Variants in SLC20A2 observed in about 807,000 individuals in gnomAD.
The protein encoded by SLC20A2 is solute carrier family 20 member 2.
Under a neutral mutation model 61.0 loss-of-function variants are expected in SLC20A2, and 30 were observed. That is an observed-to-expected ratio of 0.49 (90% confidence interval 0.37 to 0.67). The LOEUF is 0.67. Ranked by LOEUF, SLC20A2 falls within the 30% of genes least tolerant of loss-of-function variation. The probability of loss-of-function intolerance (pLI) is 0.00; values close to 1 mark genes in which losing one functional copy is unlikely to be tolerated. For synonymous variants in SLC20A2, 351 were observed against 353.3 expected, an observed-to-expected ratio of 0.99 and a Z score of 0.07; for missense variants, 626 against 866.4, an observed-to-expected ratio of 0.72 and a Z score of 3.48.
intron 10 of SLC20A2, among the ~76,000 whole-genome samples, chr8:42,427,843 T>C (rs554032830): frequency 6.6e-6 from 1 of 152,292 alleles, no homozygotes; most frequent in East Asian, 1.9e-4. Context: ...GTGTCTGTTT[T>C]GAGGGCTCAT....
intron 1 of SLC20A2, among the ~76,000 whole-genome samples, chr8:42,496,195 AG>A (rs2131332248): frequency 6.6e-6 from 1 of 152,314 alleles, no homozygotes; most frequent in South Asian, 2.1e-4. Flanking sequence ...TAGCTCCTGC[AG>A]GAAGTATGAC....
intron 8 of SLC20A2, among the ~76,000 whole-genome samples, chr8:42,435,632 G>C (rs1340133009): frequency 6.6e-6 from 1 of 152,066 alleles, no homozygotes; most frequent in East Asian, 1.9e-4. Context: ...GGGTGGGGCA[G>C]GTGGGGTGGG....
intron 1 of SLC20A2, among the ~76,000 whole-genome samples, chr8:42,498,084 TG>T (rs1810061158): frequency 1.3e-5 from 2 of 152,222 alleles, no homozygotes; most frequent in Non-Finnish European, 1.5e-5. Flanking sequence ...AGGGAGAATC[TG>T]GAACTCCAGA....
Position 42,437,492 on chromosome 8 carries a change from G to A in SLC20A2, c.1020C>T (p.Asp340=), listed in dbSNP as rs141611151. 1 of 1,614,158 alleles carries A rather than the reference G, an allele frequency of 6.2e-7. No individual in the cohort carries two copies. Among genetic ancestry groups the A allele is most frequent in the South Asian group, 1.1e-5 (1 of 91,080 alleles). Residue 340 remains aspartate, a synonymous_variant, in exon 8 of 11, where the codon GAC becomes GAT. Transcript: ENST00000520262. This position sits in a 1 kb window ranked among gnomAD's most constrained non-coding sequence, Gnocchi z 6.4. ...TFGFDGHTRS[D]GHVYHTVHKD... ...TGTGCACGGTGTGGTACACATGACC[G>A]TCGCTCCTGGTGTGGCCGTCGAAGC...
chr8:42,481,215 A>G (rs1320889639), intron 1 of SLC20A2, among the ~76,000 whole-genome samples: 1 of 152,194 alleles, frequency 6.6e-6, no homozygotes, highest in African/African-American at 2.4e-5. Context: ...ATCATAGAAC[A>G]TTAGGGTCTG....
chr8:42,455,237 A>ATATATATATATATAT (rs1194959482), intron 5 of SLC20A2, among the ~76,000 whole-genome samples: 2 of 101,120 alleles, frequency 2.0e-5, no homozygotes, highest in African/African-American at 8.5e-5. Flanking sequence ...AAAAAAAAAA[A>ATATATATATATATAT]AAAAATATAT....
intron 1 of SLC20A2, among the ~76,000 whole-genome samples, chr8:42,523,605 T>A (rs1468785160): frequency 6.6e-6 from 1 of 152,240 alleles, no homozygotes; most frequent in Admixed American, 6.5e-5. Flanking sequence ...CCACTTAATG[T>A]GCTGCTTGAA....
rs888890524 is a variant in SLC20A2 at position 42,450,417 on chromosome 8, G to A, written c.614-5655C>T. On this transcript the variant is annotated intron_variant, in intron 5 of 10. Coordinates refer to ENST00000520262, the MANE Select transcript of SLC20A2 (RefSeq NM_001257180.2). ...TAATTTTTGTATTTTTAGTAGAGAT[G>A]GGGTTTCACCATATTGGCCAACCTG... 2.0e-5 allele frequency among the ~76,000 whole-genome samples: 3 copies of A among 151,064 alleles called. No homozygotes were observed. In the East Asian group the frequency reaches 5.8e-4, roughly 29 times the overall value.
In SLC20A2 at chr8:42,459,904, C is replaced by A; in HGVS notation, c.605G>T (p.Gly202Val). The change falls in exon 5 of 11, where the codon GGA (glycine) becomes GTA (valine). Residue 202 changes from glycine to valine, a missense_variant. Around this residue, in one of 3 missense-constraint regions of SLC20A2, gnomAD observed 361 missense variants for 422.3 expected, o/e 0.85. Coordinates refer to ENST00000520262, the MANE Select transcript of SLC20A2 (RefSeq NM_001257180.2). ...AINVFSIMYTGAPVLGLVLPM... is the reference protein window; with the variant it reads ...AINVFSIMYTVAPVLGLVLPM... Reference sequence around the variant, plus strand: ...TTCCAAGGGATCCTTACCTGGTGCTCCTGTGTACATGATGGAAAAGACATT... The same window carrying A: ...TTCCAAGGGATCCTTACCTGGTGCTACTGTGTACATGATGGAAAAGACATT... 1 of 1,610,840 alleles carries A rather than the reference C, an allele frequency of 6.2e-7. No individual in the cohort carries two copies. The highest frequency in any genetic ancestry group is 1.1e-5 in the South Asian group (1 of 90,776).
chr8:42,454,117 CCT>C lies in SLC20A2; in HGVS notation c.613+5777_613+5778del, dbSNP rs1459614473. ...CTACTAGGTTCATGCCATTCTCCTG[CCT>C]CAGCCTCCCGAGTAGCTGGGACTAC... is the stretch of plus-strand genomic sequence containing the variant. On this transcript the variant is annotated intron_variant, in intron 5 of 10. Coordinates refer to ENST00000520262, the MANE Select transcript of SLC20A2 (RefSeq NM_001257180.2). Among the ~76,000 whole-genome samples, 3 of 152,166 alleles carry C rather than the reference CCT, an allele frequency of 2.0e-5. No individual in the cohort carries two copies. In the South Asian group the frequency reaches 6.2e-4, roughly 32 times the overall value.
intron 1 of SLC20A2, among the ~76,000 whole-genome samples, chr8:42,498,956 G>C (rs185526928): frequency 9.1e-4 from 138 of 152,316 alleles, no homozygotes; most frequent in African/African-American, 3.1e-3. Context: ...AAGCTTCTGA[G>C]CAGAAGGCTA....
At chr8:42,419,324 C>T (rs1802890267) in intron 10 of SLC20A2, among the ~76,000 whole-genome samples, 1 of 152,088 alleles carries the variant, frequency 6.6e-6, no homozygotes, top group Non-Finnish European at 1.5e-5. Flanking sequence ...AATCTCAGCA[C>T]TTCAGGAGGC....
intron 1 of SLC20A2, among the ~76,000 whole-genome samples, chr8:42,535,787 G>C (rs182396366): frequency 2.0e-5 from 3 of 152,274 alleles, no homozygotes; most frequent in Non-Finnish European, 2.9e-5. Context: ...ACTGATGTCC[G>C]GGGCCTGTGG....
At chr8:42,438,078 A>AAC (rs1804475474) in intron 7 of SLC20A2, among the ~76,000 whole-genome samples, 3 of 146,250 alleles carry the variant, frequency 2.1e-5, no homozygotes, top group African/African-American at 7.7e-5. Flanking sequence ...AAAAAAAAAA[A>AAC]AAAAAAAAAA....
intron 1 of SLC20A2, among the ~76,000 whole-genome samples, chr8:42,482,963 T>C (rs1808665843): frequency 6.6e-6 from 1 of 152,032 alleles, no homozygotes; most frequent in African/African-American, 2.4e-5. Context: ...GGAGAGTCGC[T>C]TGAACCCAGG....
upstream of SLC20A2, among the ~76,000 whole-genome samples, chr8:42,505,514 T>A (rs1810625460): frequency 6.6e-6 from 1 of 152,170 alleles, no homozygotes; most frequent in African/African-American, 2.4e-5. Context: ...GCATTTTAGT[T>A]TGGAACCTTA....
intron 1 of SLC20A2, among the ~76,000 whole-genome samples, chr8:42,492,477 G>A (rs1013216679): frequency 2.0e-5 from 3 of 152,240 alleles, no homozygotes; most frequent in African/African-American, 7.2e-5. Context: ...AGAAAGACAC[G>A]AGATGATGAA....
At chr8:42,443,578 C>G (rs145060891) in intron 6 of SLC20A2, among the ~76,000 whole-genome samples, 1 of 152,026 alleles carries the variant, frequency 6.6e-6, no homozygotes, top group African/African-American at 2.4e-5. Flanking sequence ...GATCCACATG[C>G]CTCGGCCTCC....
chr8:42,451,719 A>G (rs1805681354), intron 5 of SLC20A2, among the ~76,000 whole-genome samples: 2 of 131,838 alleles, frequency 1.5e-5, no homozygotes, highest in African/African-American at 2.9e-5. Context: ...AGGAGGAGGA[A>G]GAGATGAAAG....
Sources: allele counts gnomAD v4.1 joint callset (sites outside exome capture counted in the v4.1 genomes callset), GRCh38; gene constraint gnomAD v4.1.1; regional missense constraint gnomAD v4.1.1; non-coding constraint Gnocchi (gnomAD v3.1); transcripts MANE v1.5; gene names NCBI Gene and HGNC (gene_info 2026-07-23, HGNC 2026-07-21).